The following CACNA2D1 variants were observed in gnomAD, a reference collection of about 807,000 sequenced individuals.
CACNA2D1 encodes voltage-dependent calcium channel subunit alpha-2/delta-1.
In CACNA2D1, 53 loss-of-function variants were observed where a neutral mutation model predicts 171.5. That is an observed-to-expected ratio of 0.31 (90% confidence interval 0.25 to 0.39). The LOEUF is 0.39. Among genes scored for constraint, CACNA2D1 ranks in the 10% least tolerant of loss-of-function variants. The pLI is 1.00. For missense variants in CACNA2D1, 903 were observed against 1,299.8 expected (o/e 0.69, Z 4.69); for synonymous variants, 442 against 443.1 (o/e 1.00, Z 0.03).
chr7:82,335,257 T>C lies in CACNA2D1; in HGVS notation c.178-6A>G. On this transcript the variant is annotated splice_polypyrimidine_tract_variant and splice_region_variant and intron_variant, in intron 2 of 38. Coordinates refer to ENST00000356860, the MANE Select transcript of CACNA2D1 (RefSeq NM_000722.4). ...TCTTGATATTTCTCATAAATCTGTG[T>C]GAAAGAAAAAAAAAACTAGTAAGAA... The C allele has an allele frequency of 6.5e-7, 1 of 1,527,204 alleles. No homozygotes were observed. The highest frequency in any genetic ancestry group is 9.0e-7 in the Non-Finnish European group (1 of 1,105,386). The allele number at this position is 1,527,204 out of a possible 1,614,324, so 94.6% of individuals were successfully genotyped here.
chr7:82,297,453 G>A (rs918388945), intron 3 of CACNA2D1, among the ~76,000 whole-genome samples: 6 of 152,108 alleles, frequency 3.9e-5, no homozygotes, highest in African/African-American at 1.2e-4. Flanking sequence ...ATAATTAGAA[G>A]TGTGTTTCTT....
At chr7:82,189,416 C>A (rs1368863829) in intron 3 of CACNA2D1, among the ~76,000 whole-genome samples, 1 of 151,878 alleles carries the variant, frequency 6.6e-6, no homozygotes, top group Non-Finnish European at 1.5e-5. Context: ...AAGATTCACT[C>A]ATTTGGCCCA....
At chr7:82,140,970 G>GAAAAAAAAAAAAAAAAAAAAA (rs1007160020) in intron 4 of CACNA2D1, among the ~76,000 whole-genome samples, 1 of 92,914 alleles carries the variant, frequency 1.1e-5, no homozygotes, top group Non-Finnish European at 2.5e-5. Flanking sequence ...AAAAAAAAAA[G>GAAAAAAAAAAAAAAAAAAAAA]AAAAAAAAAT....
At chr7:82,352,069 G>C (rs984958099) in intron 1 of CACNA2D1, among the ~76,000 whole-genome samples, 1 of 152,176 alleles carries the variant, frequency 6.6e-6, no homozygotes, top group Admixed American at 6.6e-5. Context: ...CAAGTGCACT[G>C]TCACTTCCAG....
chr7:82,261,630 G>A (rs117894622), intron 3 of CACNA2D1, among the ~76,000 whole-genome samples: 14 of 152,172 alleles, frequency 9.2e-5, no homozygotes, highest in Middle Eastern at 3.4e-3. Flanking sequence ...ATAAGCAATC[G>A]TATCGCAAAG....
At chr7:82,139,271 C>T (rs1325058440) in intron 4 of CACNA2D1, among the ~76,000 whole-genome samples, 1 of 151,980 alleles carries the variant, frequency 6.6e-6, no homozygotes, top group Non-Finnish European at 1.5e-5. Context: ...AAATAATCAT[C>T]AAGGCTAAGA....
intron 9 of CACNA2D1, among the ~76,000 whole-genome samples, chr7:82,061,935 C>A (rs985572474): frequency 6.6e-6 from 1 of 152,046 alleles, no homozygotes; most frequent in African/African-American, 2.4e-5. Context: ...ATCTCAAAAG[C>A]CCCATCTGAG....
At chr7:82,280,091 T>A (rs779702559) in intron 3 of CACNA2D1, among the ~76,000 whole-genome samples, 26 of 152,250 alleles carry the variant, frequency 1.7e-4, no homozygotes, top group Non-Finnish European at 3.4e-4. Context: ...TTAAAGTAAA[T>A]CTTGTGAATC....
At chr7:82,273,558 G>T (rs1046563893) in intron 3 of CACNA2D1, among the ~76,000 whole-genome samples, 1 of 152,026 alleles carries the variant, frequency 6.6e-6, no homozygotes, top group Non-Finnish European at 1.5e-5. Flanking sequence ...TGTGATCATA[G>T]CACACTGAGG....
chr7:82,150,270 C>CAAAAA (rs1195730824), intron 4 of CACNA2D1, among the ~76,000 whole-genome samples: 1 of 74,330 alleles, frequency 1.3e-5, no homozygotes, highest in African/African-American at 7.5e-5. Flanking sequence ...AAAAAAAAAA[C>CAAAAA]AAAAACAACA....
At chr7:81,955,976 ATATATTTTTTTTTTTTTT>A (rs1231837504) in intron 38 of CACNA2D1, among the ~76,000 whole-genome samples, 3 of 73,604 alleles carry the variant, frequency 4.1e-5, no homozygotes, top group African/African-American at 5.3e-5. Context: ...ATATATATAT[ATATATTTTTTTTTTTTTT>A]TTTTTTTTTT....
At chr7:82,382,054 A>G (rs1313447426) in intron 1 of CACNA2D1, among the ~76,000 whole-genome samples, 2 of 152,226 alleles carry the variant, frequency 1.3e-5, no homozygotes, top group Non-Finnish European at 2.9e-5. Flanking sequence ...GGAGGACGTG[A>G]ATCTTCGTGA....
At chr7:82,003,644 G>A (rs1170310991) in intron 18 of CACNA2D1, among the ~76,000 whole-genome samples, 1 of 149,500 alleles carries the variant, frequency 6.7e-6, no homozygotes, top group Non-Finnish European at 1.5e-5. Flanking sequence ...ATGCATTATT[G>A]TACTTATTCT....
At chr7:82,377,041 T>C (rs1823094843) in intron 1 of CACNA2D1, among the ~76,000 whole-genome samples, 1 of 152,196 alleles carries the variant, frequency 6.6e-6, no homozygotes, top group South Asian at 2.1e-4. Flanking sequence ...TAGAAGCTTC[T>C]TGTGCATCAT....
intron 10 of CACNA2D1, among the ~76,000 whole-genome samples, chr7:82,049,166 G>A (rs1007199596): frequency 1.7e-4 from 25 of 149,064 alleles, no homozygotes; most frequent in African/African-American, 4.7e-4. Context: ...TAACCTTGGC[G>A]GCTTTGCCCT....
In CACNA2D1 at chr7:81,947,084, C is replaced by G. The variant is rs946599131; in HGVS notation, c.*3308G>C. The G allele has an allele frequency of 6.6e-6, 1 of 151,958 alleles. No homozygotes were observed. Among genetic ancestry groups the G allele is most frequent in the Non-Finnish European group, 1.5e-5 (1 of 67,920 alleles). The allele number at this position is 151,958 out of a possible 1,614,324, so 9.4% of individuals were successfully genotyped here. On this transcript the variant is annotated 3_prime_UTR_variant, in exon 39 of 39. Transcript: ENST00000356860. ...ACTATACCATTAAACATTTGAACGT[C>G]TAACATGATCAATGGAATAGATTCA...
intron 2 of CACNA2D1, among the ~76,000 whole-genome samples, chr7:82,340,200 A>G (rs1418976750): frequency 6.6e-6 from 1 of 152,200 alleles, no homozygotes; most frequent in Non-Finnish European, 1.5e-5. Flanking sequence ...AGCTCCCAGC[A>G]GAGTCAACAA....
chr7:82,201,176 T>C (rs1007218664), intron 3 of CACNA2D1, among the ~76,000 whole-genome samples: 2 of 152,172 alleles, frequency 1.3e-5, no homozygotes, highest in African/African-American at 4.8e-5. Context: ...AGATCTTATT[T>C]GCACTAAGGA....
chr7:81,960,335 G>A (rs943751690), intron 36 of CACNA2D1, among the ~76,000 whole-genome samples: 2 of 152,024 alleles, frequency 1.3e-5, no homozygotes, highest in Non-Finnish European at 1.5e-5. Context: ...CTAGCCACTC[G>A]AGGGTATTGG....
Sources: allele counts gnomAD v4.1 joint callset (sites outside exome capture counted in the v4.1 genomes callset), GRCh38; gene constraint gnomAD v4.1.1; transcripts MANE v1.5; gene names NCBI Gene and HGNC (gene_info 2026-07-23, HGNC 2026-07-21).